PRIM1: variants seen among roughly 807,000 people sequenced by gnomAD.
PRIM1 encodes DNA primase subunit 1, also known as DNA primase small subunit.
Under a neutral mutation model 60.2 loss-of-function variants are expected in PRIM1, and 38 were observed. That is an observed-to-expected ratio of 0.63 (90% confidence interval 0.49 to 0.83). The LOEUF (loss-of-function observed/expected upper bound fraction) is 0.83, where lower values mean the gene tolerates loss of function less well. Ranked by LOEUF, PRIM1 falls within the 40% of genes least tolerant of loss-of-function variation. The probability of loss-of-function intolerance (pLI) is 0.00; values close to 1 mark genes in which losing one functional copy is unlikely to be tolerated. For missense variants in PRIM1, 388 were observed against 506.2 expected (o/e 0.77, Z 2.24); for synonymous variants, 158 against 160.2 (o/e 0.99, Z 0.10).
intron 8 of PRIM1, 30 bp downstream of exon 8, chr12:56,741,716 A>G: frequency 6.3e-7 from 1 of 1,599,114 alleles, no homozygotes. Flanking sequence ...GCATTATTAT[A>G]TCTGTAATAC....
chr12:56,746,489 G>A, intron 4 of PRIM1: 1 of 555,314 alleles, frequency 1.8e-6, no homozygotes, highest in Non-Finnish European at 3.3e-6. Flanking sequence ...AAATTAACTG[G>A]GCGTGGTGGC....
intron 7 of PRIM1, among the ~76,000 whole-genome samples, chr12:56,742,321 T>C (rs1953878341): frequency 6.6e-6 from 1 of 151,976 alleles, no homozygotes. Flanking sequence ...CAGTGGCTCA[T>C]GCCTGTATTC....
intron 1 of PRIM1, 95 bp from the exon 2 acceptor site, chr12:56,751,290 A>G: frequency 1.1e-6 from 1 of 911,684 alleles, no homozygotes. Flanking sequence ...TTTTTCGGTG[A>G]GGGAATCTTG....
intron 7 of PRIM1, 192 bp from the exon 8 acceptor site, chr12:56,742,029 G>C: frequency 1.7e-6 from 1 of 591,402 alleles, no homozygotes; most frequent in Non-Finnish European, 3.0e-6. Context: ...GAGGTGGGTG[G>C]ATCACGTGAG....
At chr12:56,736,324 A>AAAAAAAAAAAAAAAAAAAAC (rs1953830137) in intron 11 of PRIM1, among the ~76,000 whole-genome samples, 1 of 149,708 alleles carries the variant, frequency 6.7e-6, no homozygotes, top group Admixed American at 6.7e-5. Flanking sequence ...AAAAAAAAAA[A>AAAAAAAAAAAAAAAAAAAAC]AAAGAATATA....
At chr12:56,744,003 C>T in intron 6 of PRIM1, 62 bp downstream of exon 6, 1 of 1,215,410 alleles carries the variant, frequency 8.2e-7, no homozygotes, top group Non-Finnish European at 1.2e-6. Context: ...AGCAAGGTAA[C>T]TCTAAAGGCA....
Position 56,744,094 on chromosome 12 carries a change from G to A in PRIM1, c.609C>T (p.His203=), listed in dbSNP as rs1288355093. The A allele has an allele frequency of 1.3e-6, 2 of 1,571,442 alleles. No individual in the cohort carries two copies. Among genetic ancestry groups the A allele is most frequent in the South Asian group, 1.2e-5 (1 of 85,598 alleles). Reference sequence around the variant, plus strand: ...TAAAAGGGTGAATTTTTTCACTTAGGTGAACTTTCTTTTTAACGTCTTGAC... The same window carrying A: ...TAAAAGGGTGAATTTTTTCACTTAGATGAACTTTCTTTTTAACGTCTTGAC... ...KGGQDVKKKV[H]LSEKIHPFIR... The change falls in exon 6 of 13, where the codon CAC becomes CAT. Residue 203 remains histidine, a synonymous_variant. Transcript: ENST00000338193.
chr12:56,742,530 C>G (rs1358618832), intron 7 of PRIM1, among the ~76,000 whole-genome samples: 2 of 152,106 alleles, frequency 1.3e-5, no homozygotes, highest in African/African-American at 4.8e-5. Flanking sequence ...GATCACACCA[C>G]TGCACACTCC....
intron 2 of PRIM1, among the ~76,000 whole-genome samples, chr12:56,748,454 C>T (rs1231258441): frequency 6.6e-6 from 1 of 151,696 alleles, no homozygotes; most frequent in Non-Finnish European, 1.5e-5. Context: ...GGTGAAACCC[C>T]GTCTCTACTA....
Position 56,738,442 on chromosome 12 carries a change from CTA to C in PRIM1, c.1134_1135del (p.His378GlnfsTer6). On this transcript the variant is annotated frameshift_variant, in exon 11 of 13. Coordinates refer to ENST00000338193, the MANE Select transcript of PRIM1 (RefSeq NM_000946.3). LOFTEE classifies it high-confidence loss of function. The stretch of plus-strand genomic sequence containing the variant: ...TCAAAATATTACCTTACCTCTGGTT[CTA>C]TGTTTGACATCAGATTCAGCTTCAT... The C allele has an allele frequency of 1.3e-6, 2 of 1,579,308 alleles. No individual in the cohort carries two copies. The highest frequency in any genetic ancestry group is 1.3e-5 in the African/African-American group (1 of 74,424).
chr12:56,752,301 A>G lies in PRIM1; in HGVS notation c.-3T>C. 6.4e-7 allele frequency: 1 copy of G among 1,568,268 alleles called. No homozygotes were observed. The highest frequency in any genetic ancestry group is 8.7e-7 in the Non-Finnish European group (1 of 1,154,776). ...TCGGTGGGGTCAAACGTCTCCATTG[A>G]GCGCGGAACTCGCCACGGTAAGGAT... On this transcript the variant is annotated 5_prime_UTR_variant, in exon 1 of 13. Transcript: ENST00000338193.
Position 56,746,808 on chromosome 12 carries a change from T to C in PRIM1, c.415A>G (p.Ile139Val), listed in dbSNP as rs1471271626. Residue 139 changes from isoleucine to valine, a missense_variant, in exon 4 of 13, where the codon ATA becomes GTA. Physicochemically the swap from Ile to Val is conservative, Grantham distance 29. Transcript: ENST00000338193. ...PKCWTLMTMA[I>V]RIIDRALKED... ...TTCAATGCTCTGTCAATGATGCGTA[T>C]GGCCATTGTCATGAGGGTCCAGCAC... 3 of 1,613,988 alleles carry C rather than the reference T, an allele frequency of 1.9e-6. No individual in the cohort carries two copies. The South Asian group carries it at 3.3e-5, about 18-fold the overall frequency.
intron 9 of PRIM1, 30 bp downstream of exon 9, chr12:56,741,405 T>G: frequency 6.3e-7 from 1 of 1,591,112 alleles, no homozygotes; most frequent in Non-Finnish European, 8.5e-7. Context: ...CATTTTTCTT[T>G]TAGTTTTCCT....
chr12:56,741,995 G>C (rs1363583981), intron 7 of PRIM1, 158 bp from the exon 8 acceptor site: 2 of 727,938 alleles, frequency 2.7e-6, no homozygotes, highest in Non-Finnish European at 4.6e-6. Context: ...GCTCATGCCT[G>C]TACTCCCAGC....
intron 9 of PRIM1, among the ~76,000 whole-genome samples, chr12:56,739,627 G>A (rs760416495): frequency 2.0e-5 from 3 of 152,070 alleles, no homozygotes; most frequent in South Asian, 2.1e-4. Flanking sequence ...TTGATGTCCT[G>A]GGCTCAAGTG....
chr12:56,741,890 AGTTTT>A (rs778638680), intron 7 of PRIM1, 53 bp from the exon 8 acceptor site: 2 of 1,463,600 alleles, frequency 1.4e-6, no homozygotes, highest in Non-Finnish European at 1.9e-6. Context: ...TGAACAATTT[AGTTTT>A]AAGTATGTAT....
At chr12:56,747,148 CA>C in intron 2 of PRIM1, 116 bp from the exon 3 acceptor site, 2 of 742,628 alleles carry the variant, frequency 2.7e-6, no homozygotes, top group Non-Finnish European at 2.2e-6. Context: ...TATATAATGC[CA>C]ACTTTATGAC....
chr12:56,744,890 G>A (rs1230498573), intron 5 of PRIM1, among the ~76,000 whole-genome samples: 6 of 151,842 alleles, frequency 4.0e-5, no homozygotes, highest in Admixed American at 2.6e-4. Flanking sequence ...TCAGGAGTTC[G>A]AGACCAGCCT....
At chr12:56,743,473 A>C (rs1565906242) in intron 6 of PRIM1, 1 of 161,556 alleles carries the variant, frequency 6.2e-6, no homozygotes, top group Non-Finnish European at 1.3e-5. Flanking sequence ...TTAATATCTC[A>C]ACAATCATAT....
Sources: allele counts gnomAD v4.1 joint callset (sites outside exome capture counted in the v4.1 genomes callset), GRCh38; gene constraint gnomAD v4.1.1; transcripts MANE v1.5; gene names NCBI Gene and HGNC (gene_info 2026-07-23, HGNC 2026-07-21).